The following ATP2B2 variants were observed in gnomAD, a reference collection of about 807,000 sequenced individuals.
ATP2B2 encodes the protein plasma membrane calcium-transporting ATPase 2.
In ATP2B2, 15 loss-of-function variants were observed where a neutral mutation model predicts 120.0. The observed-to-expected ratio is 0.12, with a 90% CI of 0.08 to 0.19. The LOEUF (loss-of-function observed/expected upper bound fraction) is 0.19, where lower values mean the gene tolerates loss of function less well. Among genes scored for constraint, ATP2B2 ranks in the 10% least tolerant of loss-of-function variants. The pLI, the probability that ATP2B2 is intolerant of heterozygous loss-of-function variation, is 1.00. For missense variants in ATP2B2, 1,045 were observed against 1,719.8 expected (o/e 0.61, Z 6.94); for synonymous variants, 694 against 700.3 (o/e 0.99, Z 0.14).
intron 1 of ATP2B2, among the ~76,000 whole-genome samples, chr3:10,688,042 A>G (rs2071566246): frequency 6.6e-6 from 1 of 152,282 alleles, no homozygotes; most frequent in Admixed American, 6.5e-5. Flanking sequence ...TTCATATTAC[A>G]TATTCATTAA....
At chr3:10,658,935 A>T (rs1346369718) in intron 1 of ATP2B2, among the ~76,000 whole-genome samples, 1 of 152,156 alleles carries the variant, frequency 6.6e-6, no homozygotes, top group East Asian at 1.9e-4. Flanking sequence ...GTGGGGGCCA[A>T]TATTCAACAT....
intron 2 of ATP2B2, among the ~76,000 whole-genome samples, chr3:10,609,338 G>A (rs887697201): frequency 3.3e-5 from 5 of 152,208 alleles, no homozygotes; most frequent in Non-Finnish European, 7.3e-5. Context: ...ACAGAGAGCC[G>A]CTGCTGCAGA....
intron 14 of ATP2B2, among the ~76,000 whole-genome samples, chr3:10,356,074 C>CAACGTCTCA (rs2060717423): frequency 3.3e-4 from 1 of 3,074 alleles, no homozygotes; most frequent in Non-Finnish European, 6.9e-4. Context: ...GACTCCGTCT[C>CAACGTCTCA]AAAAAAAAAA....
intron 3 of ATP2B2, among the ~76,000 whole-genome samples, chr3:10,519,247 G>C (rs1479718676): frequency 6.6e-6 from 1 of 152,204 alleles, no homozygotes; most frequent in African/African-American, 2.4e-5. Context: ...GCCATACTGT[G>C]GATTTGCCCT....
intron 1 of ATP2B2, among the ~76,000 whole-genome samples, chr3:10,476,833 C>T (rs1233811999): frequency 2.0e-5 from 3 of 152,230 alleles, no homozygotes; most frequent in Non-Finnish European, 4.4e-5. Context: ...GCAGCTAATG[C>T]AGATGAGCCC....
At chr3:10,591,918 T>C (rs746622216) in intron 2 of ATP2B2, among the ~76,000 whole-genome samples, 4 of 152,148 alleles carry the variant, frequency 2.6e-5, no homozygotes, top group Admixed American at 6.5e-5. Context: ...TGAGACAAGA[T>C]ACCCAAAGGT....
At chr3:10,677,147 C>G (rs2071267124) in intron 1 of ATP2B2, among the ~76,000 whole-genome samples, 1 of 152,206 alleles carries the variant, frequency 6.6e-6, no homozygotes, top group African/African-American at 2.4e-5. Flanking sequence ...ATTGCCAAAA[C>G]TTGGAAGCAA....
Position 10,375,184 on chromosome 3 carries a change from G to A in ATP2B2, c.1416+246C>T, listed in dbSNP as rs1283007064. Among the ~76,000 whole-genome samples, 5 of 152,216 alleles carry A rather than the reference G, an allele frequency of 3.3e-5. No individual in the cohort carries two copies. Among genetic ancestry groups the A allele is most frequent in the Non-Finnish European group, 4.4e-5 (3 of 68,034 alleles). On this transcript the variant is annotated intron_variant, in intron 11 of 22. Coordinates refer to ENST00000360273, the MANE Select transcript of ATP2B2 (RefSeq NM_001001331.4). The surrounding 1 kb of genome is among the most constrained non-coding windows in gnomAD (Gnocchi z 4.2). ...TGGGCCTGCACCCCTGCAAGGCGGC[G>A]TGTGGCTGGGCTGAATAACAGCTGC...
intron 1 of ATP2B2, among the ~76,000 whole-genome samples, chr3:10,472,931 C>A (rs1487617392): frequency 6.6e-6 from 1 of 152,198 alleles, no homozygotes; most frequent in South Asian, 2.1e-4. Context: ...TCAGCAGGTC[C>A]CATTTTACAA....
At chr3:10,506,991 C>T (rs1195918068), upstream of ATP2B2, among the ~76,000 whole-genome samples, 1 of 152,242 alleles carries the variant, frequency 6.6e-6, no homozygotes, top group African/African-American at 2.4e-5. Flanking sequence ...TGAGGTGGGT[C>T]TCCCACCAGT....
chr3:10,640,318 G>C (rs1559500188), intron 1 of ATP2B2, among the ~76,000 whole-genome samples: 1 of 152,232 alleles, frequency 6.6e-6, no homozygotes, highest in Non-Finnish European at 1.5e-5. Context: ...CCAGGGGACA[G>C]ACAGACACAA....
chr3:10,639,532 C>T (rs572371875), intron 1 of ATP2B2, among the ~76,000 whole-genome samples: 1 of 152,234 alleles, frequency 6.6e-6, no homozygotes, highest in South Asian at 2.1e-4. Flanking sequence ...AGGGCTTCTC[C>T]CTCAAGACCT....
At chr3:10,504,716 G>A (rs993512662) in intron 1 of ATP2B2, among the ~76,000 whole-genome samples, 3 of 152,148 alleles carry the variant, frequency 2.0e-5, no homozygotes, top group African/African-American at 7.2e-5. Flanking sequence ...CCCTGCAGGG[G>A]GCAGGGAGGA....
chr3:10,388,741 C>T (rs1422769369), intron 5 of ATP2B2, among the ~76,000 whole-genome samples: 1 of 152,194 alleles, frequency 6.6e-6, no homozygotes, highest in Non-Finnish European at 1.5e-5. Context: ...CATCAAACTC[C>T]AGGAGTGTTA....
chr3:10,705,511 T>C (rs900911457), intron 1 of ATP2B2, among the ~76,000 whole-genome samples: 1 of 152,204 alleles, frequency 6.6e-6, no homozygotes, highest in Non-Finnish European at 1.5e-5. Context: ...CCACTGCACA[T>C]CTATTACATC....
In ATP2B2 at chr3:10,342,638, C is replaced by T; in HGVS notation, c.2917+114G>A. 7.6e-7 allele frequency: 1 copy of T among 1,310,824 alleles called. No homozygotes were observed. The highest frequency in any genetic ancestry group is 1.3e-5 in the South Asian group (1 of 79,610). The allele number at this position is 1,310,824 out of a possible 1,614,324, so 81.2% of individuals were successfully genotyped here. ...ACTTGACCTCCCTGGGCCTCAATTTCCCCATTAGCAAAACAGGAGGGGGTT... is the reference window on the plus strand; with the variant it reads ...ACTTGACCTCCCTGGGCCTCAATTTTCCCATTAGCAAAACAGGAGGGGGTT... On this transcript the variant is annotated intron_variant, in intron 19 of 22. Coordinates refer to ENST00000360273, the MANE Select transcript of ATP2B2 (RefSeq NM_001001331.4). This position sits in a 1 kb window ranked among gnomAD's most constrained non-coding sequence, Gnocchi z 4.4.
chr3:10,451,941 C>G (rs549415072), intron 1 of ATP2B2, among the ~76,000 whole-genome samples: 7 of 152,352 alleles, frequency 4.6e-5, no homozygotes, highest in African/African-American at 1.7e-4. Flanking sequence ...AGTTCTGTAT[C>G]ATCCATCCAA....
At chr3:10,476,016 GAGA>G (rs1440131524) in intron 1 of ATP2B2, among the ~76,000 whole-genome samples, 3 of 152,318 alleles carry the variant, frequency 2.0e-5, no homozygotes, top group Middle Eastern at 3.4e-3. Context: ...TGCACAGGAG[GAGA>G]AGGTGAGTTT....
chr3:10,498,631 G>A (rs1004144110), intron 1 of ATP2B2, among the ~76,000 whole-genome samples: 3 of 152,210 alleles, frequency 2.0e-5, no homozygotes, highest in African/African-American at 4.8e-5. Context: ...GACATGGCCC[G>A]GTAGAGTAGC....
Sources: allele counts gnomAD v4.1 joint callset (sites outside exome capture counted in the v4.1 genomes callset), GRCh38; gene constraint gnomAD v4.1.1; non-coding constraint Gnocchi (gnomAD v3.1); transcripts MANE v1.5; gene names NCBI Gene and HGNC (gene_info 2026-07-23, HGNC 2026-07-21).